The following LUZP1 variants were observed in gnomAD, a reference collection of about 807,000 sequenced individuals.
LUZP1 encodes the protein leucine zipper protein 1.
In LUZP1, 25 loss-of-function variants were observed where a neutral mutation model predicts 71.3. The ratio of observed to expected loss-of-function variants is 0.35; its 90% CI spans 0.26 to 0.49. The LOEUF (loss-of-function observed/expected upper bound fraction) is 0.49, where lower values mean the gene tolerates loss of function less well. Ranked by LOEUF, LUZP1 falls within the 20% of genes least tolerant of loss-of-function variation. The pLI is 0.99. For missense variants in LUZP1, 1,142 were observed against 1,300.8 expected (o/e 0.88, Z 1.88); for synonymous variants, 481 against 506.4 (o/e 0.95, Z 0.67).
intron 2 of LUZP1, among the ~76,000 whole-genome samples, chr1:23,117,521 G>A (rs1332963283): frequency 1.9e-5 from 2 of 107,252 alleles, no homozygotes; most frequent in Non-Finnish European, 4.1e-5. Flanking sequence ...GGGGGGGGCG[G>A]GGGGGGGGAA....
chr1:23,167,659 GC>G (rs1440420245), intron 2 of LUZP1, among the ~76,000 whole-genome samples: 2 of 152,348 alleles, frequency 1.3e-5, no homozygotes, highest in Admixed American at 1.3e-4. Flanking sequence ...AGAAACAGAT[GC>G]TCCAAAGCAA....
At chr1:23,130,336 G>A (rs1450111785) in intron 2 of LUZP1, among the ~76,000 whole-genome samples, 1 of 152,064 alleles carries the variant, frequency 6.6e-6, no homozygotes, top group Non-Finnish European at 1.5e-5. Context: ...ATTTGTGTAT[G>A]TGTTTATGTC....
intron 2 of LUZP1, among the ~76,000 whole-genome samples, chr1:23,134,562 T>C (rs917336272): frequency 1.3e-5 from 2 of 152,158 alleles, no homozygotes; most frequent in Admixed American, 1.3e-4. Context: ...GAGGACTGCT[T>C]GAGCCCAGGA....
intron 2 of LUZP1, among the ~76,000 whole-genome samples, chr1:23,110,478 C>G (rs567332292): frequency 6.6e-6 from 1 of 152,276 alleles, no homozygotes; most frequent in East Asian, 1.9e-4. Flanking sequence ...ATCCTCCCTT[C>G]TTTCATCACA....
At chr1:23,169,524 C>T (rs1470656314) in intron 1 of LUZP1, among the ~76,000 whole-genome samples, 1 of 152,188 alleles carries the variant, frequency 6.6e-6, no homozygotes, top group Non-Finnish European at 1.5e-5. Context: ...GGGTTCCCGT[C>T]CCCCACTGTG....
Position 23,093,033 on chromosome 1 carries a change from T to C in LUZP1, c.1229A>G (p.Asn410Ser), listed in dbSNP as rs760959640. ...GTTGCTCAGAGAATAGTTTTCATTG[T>C]TGAGAGCAAACTCCCTGTTCCGGAG... The change falls in exon 4 of 5, where the codon AAC becomes AGC. Residue 410 changes from asparagine to serine, a missense_variant. Asn to Ser is a conservative substitution (Grantham distance 46, BLOSUM62 1). Transcript: ENST00000302291. The surrounding 1 kb of genome is among the most constrained non-coding windows in gnomAD (Gnocchi z 4.2). 7.4e-6 allele frequency: 12 copies of C among 1,614,178 alleles called. No homozygotes were observed. The highest frequency in any genetic ancestry group is 4.2e-6 in the Non-Finnish European group (5 of 1,180,028).
At chr1:23,134,461 G>A (rs995762948) in intron 2 of LUZP1, among the ~76,000 whole-genome samples, 1 of 151,980 alleles carries the variant, frequency 6.6e-6, no homozygotes, top group Non-Finnish European at 1.5e-5. Context: ...CAGCTTTGGT[G>A]AAAAAGTGAG....
At chr1:23,156,323 T>C (rs1001415955) in intron 2 of LUZP1, among the ~76,000 whole-genome samples, 1 of 152,016 alleles carries the variant, frequency 6.6e-6, no homozygotes, top group Non-Finnish European at 1.5e-5. Context: ...GAAGTTGCAG[T>C]GAGCCGAGAT....
chr1:23,117,508 G>T (rs1291809288), intron 2 of LUZP1, among the ~76,000 whole-genome samples: 2 of 40,230 alleles, frequency 5.0e-5, no homozygotes, highest in Non-Finnish European at 8.7e-5. Context: ...AGGAAGCCCT[G>T]GGGGGGGGGG....
At chr1:23,091,983 A>G (rs777328329) in exon 4 of LUZP1, 6 of 1,613,976 alleles carry the variant, frequency 3.7e-6, no homozygotes, top group Non-Finnish European at 5.1e-6. Flanking sequence ...CTTATCAACA[A>G]TAACAGGTTT....
intron 2 of LUZP1, among the ~76,000 whole-genome samples, chr1:23,161,219 G>A (rs1644461799): frequency 6.6e-6 from 1 of 152,156 alleles, no homozygotes; most frequent in Non-Finnish European, 1.5e-5. Context: ...TAGCAGGGAA[G>A]ACATAATAAT....
chr1:23,108,056 A>G (rs1643998019), intron 3 of LUZP1, among the ~76,000 whole-genome samples: 1 of 152,184 alleles, frequency 6.6e-6, no homozygotes, highest in Non-Finnish European at 1.5e-5. Context: ...TCCAGCTATC[A>G]GGAGCAACCA....
chr1:23,145,419 A>C (rs894779886), intron 2 of LUZP1, among the ~76,000 whole-genome samples: 34 of 151,460 alleles, frequency 2.2e-4, no homozygotes, highest in Middle Eastern at 3.4e-3. Flanking sequence ...CTTTGCGTGA[A>C]CTAACGTATT....
intron 2 of LUZP1, among the ~76,000 whole-genome samples, chr1:23,137,599 C>T (rs1470203997): frequency 6.6e-6 from 1 of 152,036 alleles, no homozygotes; most frequent in African/African-American, 2.4e-5. Flanking sequence ...CAAGATTGCG[C>T]CACTGCACTC....
intron 3 of LUZP1, among the ~76,000 whole-genome samples, chr1:23,103,282 T>C (rs764525998): frequency 2.3e-4 from 35 of 152,172 alleles, no homozygotes; most frequent in Admixed American, 2.3e-3. Flanking sequence ...TGACCACTTG[T>C]AGTTACCTGT....
In LUZP1 at chr1:23,093,145, T is replaced by C. The variant is rs367566694; in HGVS notation, c.1117A>G (p.Arg373Gly). 168 of 1,614,056 alleles carry C rather than the reference T, an allele frequency of 1.0e-4. No homozygotes were observed. The highest frequency in any genetic ancestry group is 1.3e-4 in the Non-Finnish European group (158 of 1,180,028). The change falls in exon 4 of 5, where the codon AGG becomes GGG. Residue 373 changes from arginine to glycine, a missense_variant. Physicochemically the swap from Arg to Gly is moderately radical, Grantham distance 125. Transcript: ENST00000302291. This position sits in a 1 kb window ranked among gnomAD's most constrained non-coding sequence, Gnocchi z 4.2. ...CTTCCGTGGCCTCTAAACTTAGTCC[T>C]CTCATGTCTGCCTTTGCTGGACAGG...
At chr1:23,124,571 T>G (rs1015737926) in intron 2 of LUZP1, among the ~76,000 whole-genome samples, 2 of 152,218 alleles carry the variant, frequency 1.3e-5, no homozygotes, top group African/African-American at 4.8e-5. Flanking sequence ...AAATATTTCA[T>G]AATTTTACTA....
At chr1:23,130,408 T>C (rs1318639793) in intron 2 of LUZP1, among the ~76,000 whole-genome samples, 1 of 152,188 alleles carries the variant, frequency 6.6e-6, no homozygotes, top group East Asian at 1.9e-4. Flanking sequence ...TCTTTGTATT[T>C]TTACCTGTAC....
intron 3 of LUZP1, among the ~76,000 whole-genome samples, chr1:23,096,293 G>A (rs1569865088): frequency 1.3e-5 from 2 of 152,190 alleles, no homozygotes; most frequent in South Asian, 2.1e-4. Flanking sequence ...ATTACAAAGA[G>A]CAGCACAGAG....
Sources: gnomAD v4.1 joint callset for allele counts (sites outside exome capture counted in the v4.1 genomes callset) on GRCh38, gnomAD v4.1.1 for gene constraint, Gnocchi (gnomAD v3.1) non-coding constraint, MANE v1.5 for transcripts, NCBI Gene and HGNC (gene_info 2026-07-23, HGNC 2026-07-21) for gene names.